TLN2: variants seen among roughly 807,000 people sequenced by gnomAD.
The protein encoded by TLN2 is talin-2.
Under a neutral mutation model 294.7 loss-of-function variants are expected in TLN2, and 118 were observed. That is an observed-to-expected ratio of 0.40 (90% CI 0.34 to 0.47). The LOEUF (loss-of-function observed/expected upper bound fraction) is 0.47. TLN2 is among the 20% of genes least tolerant of loss of function. TLN2 has a pLI of 0.84. For missense variants in TLN2, 3,083 were observed against 3,282.2 expected (o/e 0.94, Z 1.48); for synonymous variants, 1,431 against 1,304.5 (o/e 1.10, Z -2.09).
Position 62,655,935 on chromosome 15 carries a change from G to A in TLN2, c.518-9G>A, listed in dbSNP as rs368395128. The A allele has an allele frequency of 1.8e-5, 29 of 1,614,042 alleles. No homozygotes were observed. The highest frequency in any genetic ancestry group is 2.2e-5 in the Non-Finnish European group (26 of 1,180,020). ...ACACAGTTCTCTTATATGTCTTGTT[G>A]TGTTGCAGTAAATTGGCTGGATCAC... On this transcript the variant is annotated splice_polypyrimidine_tract_variant and intron_variant, in intron 7 of 58. Coordinates refer to ENST00000636159, the MANE Select transcript of TLN2 (RefSeq NM_015059.3).
Position 62,577,616 on chromosome 15 carries a change from G to C in TLN2, c.-237-12071G>C, listed in dbSNP as rs1353035187. 1.3e-5 allele frequency among the ~76,000 whole-genome samples: 2 copies of C among 152,172 alleles called. 1 individual carries two copies. Among genetic ancestry groups the C allele is most frequent in the Non-Finnish European group, 2.9e-5 (2 of 68,026 alleles). ...ATGAAATAATTTTGGCCGTGAGTTA[G>C]TAATTGTTGAAGCTGAGTGATGAGT... is the stretch of plus-strand genomic sequence containing the variant. On this transcript the variant is annotated intron_variant, in intron 1 of 58. Coordinates refer to ENST00000636159, the MANE Select transcript of TLN2 (RefSeq NM_015059.3).
At chr15:62,818,162 A>C (rs902936303) in intron 52 of TLN2, among the ~76,000 whole-genome samples, 1 of 152,194 alleles carries the variant, frequency 6.6e-6, no homozygotes, top group Non-Finnish European at 1.5e-5. Context: ...CCAGCTTTAC[A>C]GATGAGAAAA....
chr15:62,722,599 T>C, intron 26 of TLN2, 112 bp downstream of exon 26: 1 of 1,321,822 alleles, frequency 7.6e-7, no homozygotes, highest in Non-Finnish European at 9.9e-7. Flanking sequence ...AGTTGTCCAT[T>C]CTACTTGCAT....
chr15:62,752,440 T>G lies in TLN2; in HGVS notation c.4332+13T>G, dbSNP rs1322001409. 8 of 1,613,694 alleles carry G rather than the reference T, an allele frequency of 5.0e-6. No homozygotes were observed. In the South Asian group the frequency reaches 8.8e-5, roughly 18 times the overall value. On this transcript the variant is annotated intron_variant, in intron 35 of 58. Transcript: ENST00000636159. The stretch of plus-strand genomic sequence containing the variant: ...GGCTGCAGCCCAGGTAAGGGGCTAG[T>G]CCCGATGCAGCCATGTGCCCTGTGC...
At chr15:62,653,416 G>A in intron 7 of TLN2, 102 bp downstream of exon 7, 1 of 1,369,602 alleles carries the variant, frequency 7.3e-7, no homozygotes, top group South Asian at 1.8e-5. Context: ...TTTGATTTTT[G>A]TTTTTAAAAC....
chr15:62,670,442 T>G (rs1338487487), intron 9 of TLN2, among the ~76,000 whole-genome samples: 2 of 152,222 alleles, frequency 1.3e-5, no homozygotes, highest in Non-Finnish European at 2.9e-5. Flanking sequence ...CGTCCAATTC[T>G]CTCTGAATCA....
At chr15:62,719,509 G>T (rs2059992178) in intron 24 of TLN2, among the ~76,000 whole-genome samples, 2 of 152,152 alleles carry the variant, frequency 1.3e-5, no homozygotes, top group African/African-American at 2.4e-5. Context: ...CCTCATCATA[G>T]ACAATCATCT....
intron 32 of TLN2, among the ~76,000 whole-genome samples, chr15:62,741,960 G>C (rs1056836369): frequency 6.9e-6 from 1 of 145,428 alleles, no homozygotes; most frequent in East Asian, 2.1e-4. Context: ...TTAGCTCTCA[G>C]CACATAAGAT....
intron 38 of TLN2, among the ~76,000 whole-genome samples, 163 bp from the exon 39 acceptor site, chr15:62,762,109 G>A (rs184986194): frequency 2.6e-4 from 40 of 152,264 alleles, no homozygotes; most frequent in Admixed American, 2.0e-3. Flanking sequence ...TTGAGTCCCC[G>A]CCATGCAGAC....
intron 50 of TLN2, among the ~76,000 whole-genome samples, chr15:62,804,493 G>A (rs865849049): frequency 1.1e-4 from 17 of 152,130 alleles, no homozygotes; most frequent in African/African-American, 4.1e-4. Context: ...AGCTACTCAG[G>A]AGGCTGAGGT....
chr15:62,823,222 T>C (rs896862211), intron 54 of TLN2, among the ~76,000 whole-genome samples: 2 of 152,216 alleles, frequency 1.3e-5, no homozygotes, highest in Admixed American at 1.3e-4. Context: ...CAGAGGTGGA[T>C]ATTATCTATG....
At chr15:62,433,847 G>C (rs2035148066) in intron 1 of TLN2, among the ~76,000 whole-genome samples, 1 of 152,014 alleles carries the variant, frequency 6.6e-6, no homozygotes, top group African/African-American at 2.4e-5. Context: ...AAATTAGCCA[G>C]GAGTGATGGC....
chr15:62,742,024 GGTGT>G (rs1169646907), intron 32 of TLN2, among the ~76,000 whole-genome samples: 310 of 82,262 alleles, frequency 3.8e-3, no homozygotes, highest in African/African-American at 0.013. Context: ...CTTGTAGTGG[GGTGT>G]GTGTGTGTGT....
At position 62,672,102 on chromosome 15, in the gene TLN2, T is replaced by G. The variant is rs2055504158; in HGVS notation, c.789-1725T>G. 2.6e-5 allele frequency among the ~76,000 whole-genome samples: 4 copies of G among 152,240 alleles called. No individual in the cohort carries two copies. The South Asian group carries it at 8.3e-4, about 31-fold the overall frequency. ...GTTCCCGATCAAGTTGTTATTTTTT[T>G]GTCTTATAGCCGTTGAAATGTGCTT... On this transcript the variant is annotated intron_variant, in intron 9 of 58. Transcript: ENST00000636159.
At chr15:62,542,336 C>T (rs916876143) in intron 1 of TLN2, among the ~76,000 whole-genome samples, 2 of 147,608 alleles carry the variant, frequency 1.4e-5, no homozygotes, top group Non-Finnish European at 1.5e-5. Context: ...GGACTACAGG[C>T]GCCTGCCACC....
At chr15:62,813,241 G>C (rs567115959) in intron 52 of TLN2, among the ~76,000 whole-genome samples, 87 of 152,286 alleles carry the variant, frequency 5.7e-4, no homozygotes, top group African/African-American at 1.9e-3. Flanking sequence ...CTTAAATCTT[G>C]TGTGTTACAA....
intron 1 of TLN2, among the ~76,000 whole-genome samples, chr15:62,445,986 C>CTT (rs563270324): frequency 1.6e-4 from 24 of 147,850 alleles, no homozygotes; most frequent in Admixed American, 9.4e-4. Flanking sequence ...GCTCTGTAGT[C>CTT]TTTTTTTTTT....
At chr15:62,582,399 A>G (rs1232421173) in intron 1 of TLN2, among the ~76,000 whole-genome samples, 1 of 152,182 alleles carries the variant, frequency 6.6e-6, no homozygotes, top group Non-Finnish European at 1.5e-5. Flanking sequence ...GGATAAAAAT[A>G]TGGGAGAAGC....
intron 9 of TLN2, among the ~76,000 whole-genome samples, chr15:62,660,115 C>A (rs2053654205): frequency 1.3e-5 from 2 of 152,102 alleles, no homozygotes; most frequent in Admixed American, 1.3e-4. Flanking sequence ...GATGCAACCC[C>A]CAGAAATTTC....
Sources: gnomAD v4.1 joint callset for allele counts (sites outside exome capture counted in the v4.1 genomes callset) on GRCh38, gnomAD v4.1.1 for gene constraint, MANE v1.5 for transcripts, NCBI Gene and HGNC (gene_info 2026-07-23, HGNC 2026-07-21) for gene names.